PIK3C2G: variants seen among roughly 807,000 people sequenced by gnomAD.
The protein encoded by PIK3C2G is phosphatidylinositol 3-kinase C2 domain-containing subunit gamma.
A neutral mutation model predicts 181.1 loss-of-function variants in PIK3C2G; 168 were observed. The observed-to-expected ratio is 0.93, with a 90% CI of 0.82 to 1.05. PIK3C2G has a LOEUF of 1.05. PIK3C2G is among the 50% of genes least tolerant of loss of function. The pLI, the probability that PIK3C2G is intolerant of heterozygous loss-of-function variation, is 0.00. For synonymous variants in PIK3C2G, 573 were observed against 592.2 expected (o/e 0.97, Z 0.47); for missense variants, 1,869 against 1,732.8 (o/e 1.08, Z -1.40).
At position 18,409,958 on chromosome 12, in the gene PIK3C2G, G is replaced by A. The variant is rs115192923; in HGVS notation, c.2315+10111G>A. 7.7e-3 allele frequency among the ~76,000 whole-genome samples: 1,163 copies of A among 152,000 alleles called. 23 individuals carry two copies. The highest frequency in any genetic ancestry group is 0.025 in the African/African-American group (1,055 of 41,420). The stretch of plus-strand genomic sequence containing the variant: ...GAGGTACCACACACTTTAAACAACC[G>A]GATATCATTAGAACTCTATCACTAG... On this transcript the variant is annotated intron_variant, in intron 16 of 32. Coordinates refer to ENST00000538779, the MANE Select transcript of PIK3C2G (RefSeq NM_001288772.2).
chr12:18,576,663 C>G (rs1946246761), intron 29 of PIK3C2G, among the ~76,000 whole-genome samples: 1 of 152,176 alleles, frequency 6.6e-6, no homozygotes, highest in South Asian at 2.1e-4. Flanking sequence ...AATCTATTTG[C>G]CTTTCTGTCT....
rs190529173 is a variant in PIK3C2G at position 18,324,847 on chromosome 12, A to C, written c.1209-188A>C. Among the ~76,000 whole-genome samples the C allele has an allele frequency of 1.3e-3, 191 of 152,320 alleles. 1 individual carries two copies. Among genetic ancestry groups the C allele is most frequent in the African/African-American group, 4.5e-3 (186 of 41,580 alleles). ...AGACTTTCAGATATGTTTGTAGTCT[A>C]TCAAGTTATACAAACTTTATAAGGC... On this transcript the variant is annotated intron_variant, in intron 7 of 32. Transcript: ENST00000538779.
chr12:18,383,388 C>A (rs143628914), intron 14 of PIK3C2G, among the ~76,000 whole-genome samples: 23 of 152,234 alleles, frequency 1.5e-4, no homozygotes, highest in Admixed American at 7.9e-4. Context: ...TGTAGGGACA[C>A]TAACACAGCG....
intron 24 of PIK3C2G, 56 bp from the exon 25 acceptor site, chr12:18,538,100 A>T: frequency 6.6e-7 from 1 of 1,510,912 alleles, no homozygotes; most frequent in Non-Finnish European, 9.0e-7. Flanking sequence ...CTGCTGATTT[A>T]ACCTGACAAA....
chr12:18,668,820 C>T, the PIK3C2G span, among the ~76,000 whole-genome samples: 1 of 152,154 alleles, frequency 6.6e-6, no homozygotes. Context: ...TACATATCTA[C>T]TCATACATCA....
At chr12:18,491,829 A>G (rs1048406832) in intron 20 of PIK3C2G, among the ~76,000 whole-genome samples, 3 of 152,132 alleles carry the variant, frequency 2.0e-5, no homozygotes, top group African/African-American at 7.2e-5. Context: ...ATAGAGGAAC[A>G]TATCGCTGGG....
intron 18 of PIK3C2G, among the ~76,000 whole-genome samples, chr12:18,443,366 AT>A (rs1238370626): frequency 3.9e-5 from 6 of 152,290 alleles, no homozygotes; most frequent in East Asian, 1.9e-4. Flanking sequence ...GTAATAAAAA[AT>A]ATCAGTATAT....
intron 18 of PIK3C2G, among the ~76,000 whole-genome samples, chr12:18,431,668 T>C (rs1399239068): frequency 6.6e-6 from 1 of 152,206 alleles, no homozygotes; most frequent in African/African-American, 2.4e-5. Context: ...GCACACATGA[T>C]ACAGAATCCA....
intron 18 of PIK3C2G, among the ~76,000 whole-genome samples, chr12:18,434,610 C>G (rs1381037024): frequency 1.3e-5 from 2 of 152,082 alleles, no homozygotes; most frequent in Non-Finnish European, 1.5e-5. Context: ...AGTAATAATG[C>G]CCCCACCTAA....
intron 1 of PIK3C2G, among the ~76,000 whole-genome samples, chr12:18,279,786 T>C (rs1340788191): frequency 6.7e-6 from 1 of 150,344 alleles, no homozygotes; most frequent in African/African-American, 2.4e-5. Context: ...TGAATTCTTA[T>C]AATAGCTTTA....
the PIK3C2G span, among the ~76,000 whole-genome samples, chr12:18,657,053 T>C: frequency 1.3e-5 from 2 of 152,142 alleles, no homozygotes; most frequent in Non-Finnish European, 2.9e-5. Flanking sequence ...TGTTTTGACT[T>C]GGCTAGTGAT....
chr12:18,353,786 G>C (rs1413446656), intron 11 of PIK3C2G, among the ~76,000 whole-genome samples: 1 of 152,200 alleles, frequency 6.6e-6, no homozygotes, highest in East Asian at 1.9e-4. Flanking sequence ...AGATAGAGAT[G>C]TGTGCTTTAC....
intron 16 of PIK3C2G, among the ~76,000 whole-genome samples, chr12:18,406,719 G>T (rs1944553617): frequency 6.6e-6 from 1 of 152,140 alleles, no homozygotes; most frequent in Admixed American, 6.5e-5. Flanking sequence ...GTGCAAGCAA[G>T]CATTTTATCC....
At chr12:18,261,877 T>C (rs1428427997) in intron 1 of PIK3C2G, among the ~76,000 whole-genome samples, 1 of 152,034 alleles carries the variant, frequency 6.6e-6, no homozygotes, top group Non-Finnish European at 1.5e-5. Flanking sequence ...ACACCACAGA[T>C]TGCATTTGAT....
intron 28 of PIK3C2G, 129 bp from the exon 29 acceptor site, chr12:18,566,817 CGTA>C: frequency 1.5e-6 from 1 of 648,330 alleles, no homozygotes; most frequent in Non-Finnish European, 2.8e-6. Flanking sequence ...GGATTAATCA[CGTA>C]GACTATGACT....
At chr12:18,362,907 A>T in intron 12 of PIK3C2G, 21 bp downstream of exon 12, 1 of 1,455,106 alleles carries the variant, frequency 6.9e-7, no homozygotes, top group South Asian at 1.4e-5. Context: ...TCTTTACTGT[A>T]TCTGGATCAT....
At chr12:18,642,100 G>A (rs747976320) in intron 32 of PIK3C2G, among the ~76,000 whole-genome samples, 10 of 152,232 alleles carry the variant, frequency 6.6e-5, no homozygotes, top group Middle Eastern at 3.4e-3. Context: ...ATGTCTCATA[G>A]GCACTTTTAG....
chr12:18,699,976 C>T, the PIK3C2G span: 3 of 1,592,826 alleles, frequency 1.9e-6, no homozygotes, highest in Non-Finnish European at 2.6e-6. Flanking sequence ...AGTAATTTTA[C>T]ATTTTTATGC....
At chr12:18,530,921 C>G (rs933993538) in intron 24 of PIK3C2G, among the ~76,000 whole-genome samples, 2 of 152,082 alleles carry the variant, frequency 1.3e-5, no homozygotes, top group Non-Finnish European at 2.9e-5. Context: ...ATTTCCCAGT[C>G]TCGGGTATTT....
Sources: gnomAD v4.1 joint callset for allele counts (sites outside exome capture counted in the v4.1 genomes callset) on GRCh38, gnomAD v4.1.1 for gene constraint, MANE v1.5 for transcripts, NCBI Gene and HGNC (gene_info 2026-07-23, HGNC 2026-07-21) for gene names.